CACNA1C: variants seen among roughly 807,000 people sequenced by gnomAD.
CACNA1C encodes the protein calcium voltage-gated channel subunit alpha1 C.
A neutral mutation model predicts 229.0 loss-of-function variants in CACNA1C; 30 were observed. The ratio of observed to expected loss-of-function variants is 0.13; its 90% confidence interval spans 0.10 to 0.18. The LOEUF (loss-of-function observed/expected upper bound fraction) is 0.18, where lower values mean the gene tolerates loss of function less well. Among genes scored for constraint, CACNA1C ranks in the 10% least tolerant of loss-of-function variants. The pLI is 1.00. For missense variants in CACNA1C, 1,658 were observed against 2,845.0 expected (o/e 0.58, Z 9.49); for synonymous variants, 1,114 against 1,132.5 (o/e 0.98, Z 0.33).
At chr12:2,171,533 A>G (rs1043991759) in intron 3 of CACNA1C, among the ~76,000 whole-genome samples, 2 of 152,134 alleles carry the variant, frequency 1.3e-5, no homozygotes, top group Non-Finnish European at 2.9e-5. Context: ...GAACCTTAGG[A>G]ATGTCACTTA....
intron 3 of CACNA1C, among the ~76,000 whole-genome samples, chr12:2,242,085 TC>T (rs2070660031): frequency 6.6e-6 from 1 of 152,114 alleles, no homozygotes; most frequent in African/African-American, 2.4e-5. Context: ...TAGCCCCTCC[TC>T]CCAGTCAGGC....
intron 1 of CACNA1C, among the ~76,000 whole-genome samples, 178 bp from the exon 2 acceptor site, chr12:2,115,046 G>T (rs763836058): frequency 2.6e-5 from 4 of 152,212 alleles, no homozygotes; most frequent in Admixed American, 1.3e-4. Flanking sequence ...GGACCGCAAC[G>T]ATCCTGGCCC....
intron 1 of CACNA1C, among the ~76,000 whole-genome samples, chr12:2,075,885 G>A (rs1175661641): frequency 1.3e-5 from 2 of 152,194 alleles, no homozygotes; most frequent in East Asian, 1.9e-4. Flanking sequence ...ACCCATTTTG[G>A]TATAAACAGG....
intron 1 of CACNA1C, among the ~76,000 whole-genome samples, chr12:2,064,958 T>G (rs1336414685): frequency 6.6e-6 from 1 of 152,216 alleles, no homozygotes; most frequent in Admixed American, 6.5e-5. Flanking sequence ...TGGAGGTATG[T>G]GAAGCTCAGA....
chr12:2,143,474 T>A (rs1160587133), intron 3 of CACNA1C, among the ~76,000 whole-genome samples: 3 of 151,170 alleles, frequency 2.0e-5, no homozygotes, highest in African/African-American at 7.3e-5. Context: ...GATTATTTTT[T>A]ATGTACCTTA....
Position 2,354,767 on chromosome 12 carries a change from C to T in CACNA1C, c.478-94209C>T, listed in dbSNP as rs73035423. On this transcript the variant is annotated intron_variant, in intron 3 of 46. Coordinates refer to ENST00000399655, the MANE Select transcript of CACNA1C (RefSeq NM_000719.7). This position sits in a 1 kb window ranked among gnomAD's most constrained non-coding sequence, Gnocchi z 4.6. ...CACCTGCTTTTGCCTTCTCCAGACA[C>T]GGCAAGACTGGCCTTGACTTCTGGT... 0.043 allele frequency among the ~76,000 whole-genome samples: 6,585 copies of T among 152,280 alleles called. 175 individuals carry two copies. The highest frequency in any genetic ancestry group is 0.061 in the Middle Eastern group (18 of 294).
intron 3 of CACNA1C, among the ~76,000 whole-genome samples, chr12:2,426,709 G>T (rs752177521): frequency 6.6e-6 from 1 of 152,230 alleles, no homozygotes; most frequent in Non-Finnish European, 1.5e-5. Flanking sequence ...ACTGATCTTG[G>T]TTTGGTGTTC....
At chr12:2,103,245 T>C (rs1453777576) in intron 1 of CACNA1C, among the ~76,000 whole-genome samples, 3 of 152,212 alleles carry the variant, frequency 2.0e-5, no homozygotes, top group Non-Finnish European at 4.4e-5. Flanking sequence ...TTCCAGCATC[T>C]GTTGTTTCCT....
At chr12:2,577,571 C>A (rs1195310998) in intron 13 of CACNA1C, among the ~76,000 whole-genome samples, 2 of 152,230 alleles carry the variant, frequency 1.3e-5, no homozygotes, top group Non-Finnish European at 2.9e-5. Flanking sequence ...CAGGGGCAGG[C>A]AGCCACTTCT....
chr12:2,009,263 C>G (rs562449270), intron 1 of CACNA1C, among the ~76,000 whole-genome samples: 1 of 152,092 alleles, frequency 6.6e-6, no homozygotes, highest in Admixed American at 6.5e-5. Context: ...ATGTTTGGGT[C>G]TGGAATTTTT....
At chr12:2,345,342 C>T (rs1374406789) in intron 3 of CACNA1C, among the ~76,000 whole-genome samples, 1 of 151,428 alleles carries the variant, frequency 6.6e-6, no homozygotes, top group African/African-American at 2.4e-5. Flanking sequence ...AGCTGGATTG[C>T]GAAGAGGTCC....
At chr12:2,551,953 G>A (rs868774999) in intron 10 of CACNA1C, among the ~76,000 whole-genome samples, 1 of 152,206 alleles carries the variant, frequency 6.6e-6, no homozygotes, top group Admixed American at 6.5e-5. Flanking sequence ...CCCTGAACAA[G>A]GGTGGACACA....
chr12:2,622,272 G>A (rs1387853408), intron 29 of CACNA1C, among the ~76,000 whole-genome samples: 1 of 152,222 alleles, frequency 6.6e-6, no homozygotes, highest in African/African-American at 2.4e-5. Context: ...ACAGAGGCCA[G>A]TGTGTGCAGG....
At chr12:2,002,258 T>C (rs2042347371) in intron 1 of CACNA1C, among the ~76,000 whole-genome samples, 1 of 152,212 alleles carries the variant, frequency 6.6e-6, no homozygotes, top group African/African-American at 2.4e-5. Flanking sequence ...AATGTTCTCA[T>C]ATTCTTATTA....
At chr12:2,550,666 ACAAT>A in intron 10 of CACNA1C, 1 of 1,346,798 alleles carries the variant, frequency 7.4e-7, no homozygotes, top group Non-Finnish European at 9.8e-7. Flanking sequence ...AGTCCCAGGT[ACAAT>A]GCATTTCTGA....
intron 1 of CACNA1C, among the ~76,000 whole-genome samples, chr12:1,985,510 C>T (rs2037444999): frequency 6.6e-6 from 1 of 152,152 alleles, no homozygotes; most frequent in South Asian, 2.1e-4. Flanking sequence ...TCAAGAGTAT[C>T]CAGTTTTACC....
chr12:2,370,565 A>G (rs2097841148), intron 3 of CACNA1C, among the ~76,000 whole-genome samples: 1 of 152,248 alleles, frequency 6.6e-6, no homozygotes, highest in Non-Finnish European at 1.5e-5. Flanking sequence ...AGGATATAAA[A>G]TATATGGACA....
intron 43 of CACNA1C, among the ~76,000 whole-genome samples, chr12:2,683,621 C>G (rs2097289504): frequency 6.6e-6 from 1 of 152,216 alleles, no homozygotes; most frequent in Non-Finnish European, 1.5e-5. Flanking sequence ...CGTGCAGCCA[C>G]TTGAAAATGG....
At chr12:1,972,421 A>AACGAGTCATATG (rs2032695187) in intron 1 of CACNA1C, among the ~76,000 whole-genome samples, 1 of 152,242 alleles carries the variant, frequency 6.6e-6, no homozygotes, top group Non-Finnish European at 1.5e-5. Flanking sequence ...ATGACTCGTT[A>AACGAGTCATATG]CTAGCATATG....
Sources: gnomAD v4.1 joint callset for allele counts (sites outside exome capture counted in the v4.1 genomes callset) on GRCh38, gnomAD v4.1.1 for gene constraint, Gnocchi (gnomAD v3.1) non-coding constraint, MANE v1.5 for transcripts, NCBI Gene and HGNC (gene_info 2026-07-23, HGNC 2026-07-21) for gene names.